Variants in GALNT13 observed in about 807,000 individuals in gnomAD.
GALNT13 encodes the protein UDP-GalNAc:polypeptide N-acetylgalactosaminyltransferase 13.
Under a neutral mutation model 64.2 loss-of-function variants are expected in GALNT13, and 28 were observed. The observed-to-expected ratio is 0.44, with a 90% CI of 0.32 to 0.60. The LOEUF (loss-of-function observed/expected upper bound fraction) is 0.60. Among genes scored for constraint, GALNT13 ranks in the 20% least tolerant of loss-of-function variants. The probability of loss-of-function intolerance (pLI) is 0.05; values close to 1 mark genes in which losing one functional copy is unlikely to be tolerated. For missense variants in GALNT13, 577 were observed against 669.8 expected (o/e 0.86, Z 1.53); for synonymous variants, 214 against 224.6 (o/e 0.95, Z 0.42).
At chr2:154,234,985 T>C (rs1250094868) in intron 4 of GALNT13, among the ~76,000 whole-genome samples, 2 of 152,154 alleles carry the variant, frequency 1.3e-5, no homozygotes, top group Non-Finnish European at 2.9e-5. Flanking sequence ...TATTCTAATA[T>C]GGGATTAGGG....
chr2:153,402,545 C>G, the GALNT13 span, among the ~76,000 whole-genome samples: 88 of 152,010 alleles, frequency 5.8e-4, no homozygotes, highest in Non-Finnish European at 8.2e-4. Context: ...TTCCATTCTC[C>G]CCATCACTTT....
intron 11 of GALNT13, among the ~76,000 whole-genome samples, chr2:154,434,146 G>A (rs996957229): frequency 6.6e-6 from 1 of 152,166 alleles, no homozygotes; most frequent in Non-Finnish European, 1.5e-5. Flanking sequence ...AACCTGTCAG[G>A]AAATAAATTT....
chr2:153,074,639 A>G, the GALNT13 span, among the ~76,000 whole-genome samples: 1 of 152,186 alleles, frequency 6.6e-6, no homozygotes, highest in South Asian at 2.1e-4. Context: ...TCGTTATAAT[A>G]TTATGGGACC....
At chr2:153,564,962 C>T in the GALNT13 span, among the ~76,000 whole-genome samples, 1 of 152,132 alleles carries the variant, frequency 6.6e-6, no homozygotes, top group East Asian at 1.9e-4. Context: ...AAACTATAGG[C>T]AGCCTTAGCG....
At chr2:153,554,758 C>A in the GALNT13 span, among the ~76,000 whole-genome samples, 1 of 151,988 alleles carries the variant, frequency 6.6e-6, no homozygotes, top group Non-Finnish European at 1.5e-5. Context: ...TATTGGAGAA[C>A]TGAAGTGACA....
At chr2:153,596,517 G>A in the GALNT13 span, among the ~76,000 whole-genome samples, 2 of 151,960 alleles carry the variant, frequency 1.3e-5, no homozygotes, top group African/African-American at 4.8e-5. Context: ...CACCAAAAAA[G>A]TCTTTAAATG....
intron 3 of GALNT13, among the ~76,000 whole-genome samples, chr2:154,001,621 A>G (rs1695915103): frequency 6.6e-6 from 1 of 151,992 alleles, no homozygotes; most frequent in African/African-American, 2.4e-5. Context: ...TTTATATTAT[A>G]TATCTCTTAA....
At chr2:153,459,184 A>G in the GALNT13 span, among the ~76,000 whole-genome samples, 35 of 152,212 alleles carry the variant, frequency 2.3e-4, no homozygotes, top group Admixed American at 5.9e-4. Flanking sequence ...AACATAAAAT[A>G]TGTTGAAAAG....
At chr2:153,070,724 C>T in the GALNT13 span, among the ~76,000 whole-genome samples, 6 of 152,276 alleles carry the variant, frequency 3.9e-5, no homozygotes, top group East Asian at 1.2e-3. Flanking sequence ...AGGAGCTCTT[C>T]TCTGCAACAG....
At chr2:154,446,434 T>A (rs1701579099) in intron 12 of GALNT13, 1 of 953,528 alleles carries the variant, frequency 1.0e-6, no homozygotes, top group East Asian at 2.8e-5. Context: ...GGCTCACAGC[T>A]CCATGGATAC....
At chr2:153,588,355 C>T in the GALNT13 span, among the ~76,000 whole-genome samples, 1 of 152,340 alleles carries the variant, frequency 6.6e-6, no homozygotes, top group South Asian at 2.1e-4. Context: ...GAGGGCACCG[C>T]CCCTGCAGCA....
chr2:153,725,550 T>C, the GALNT13 span, among the ~76,000 whole-genome samples: 4 of 151,622 alleles, frequency 2.6e-5, no homozygotes, highest in Non-Finnish European at 5.9e-5. Context: ...CAAAATAATA[T>C]AAAATAATGG....
the GALNT13 span, among the ~76,000 whole-genome samples, chr2:153,280,745 A>AT: frequency 6.6e-6 from 1 of 151,994 alleles, no homozygotes; most frequent in East Asian, 1.9e-4. Flanking sequence ...TATGATTTTG[A>AT]TTTTTTTGAA....
At chr2:153,276,061 T>C in the GALNT13 span, among the ~76,000 whole-genome samples, 3 of 152,162 alleles carry the variant, frequency 2.0e-5, no homozygotes, top group Admixed American at 6.5e-5. Flanking sequence ...TTTTTCATAT[T>C]TGTAAAAGCC....
At chr2:153,870,892 C>T (rs1685881417), upstream of GALNT13, among the ~76,000 whole-genome samples, 1 of 151,934 alleles carries the variant, frequency 6.6e-6, no homozygotes, top group African/African-American at 2.4e-5. Context: ...GCCCTTATTA[C>T]AAACAAGACA....
At chr2:153,192,840 C>T in the GALNT13 span, among the ~76,000 whole-genome samples, 2 of 151,840 alleles carry the variant, frequency 1.3e-5, no homozygotes, top group Admixed American at 6.6e-5. Flanking sequence ...CTTCTGTTTG[C>T]ATAGAATATT....
At chr2:154,079,431 T>TA (rs1701156665) in intron 3 of GALNT13, among the ~76,000 whole-genome samples, 1 of 151,588 alleles carries the variant, frequency 6.6e-6, no homozygotes, top group Non-Finnish European at 1.5e-5. Flanking sequence ...AGATAATTGA[T>TA]AAAAAATATA....
At chr2:153,585,726 T>C in the GALNT13 span, among the ~76,000 whole-genome samples, 1 of 151,942 alleles carries the variant, frequency 6.6e-6, no homozygotes, top group East Asian at 1.9e-4. Flanking sequence ...ATACTACCAG[T>C]GAACTCTTCA....
At chr2:153,222,415 G>T in the GALNT13 span, among the ~76,000 whole-genome samples, 3 of 75,628 alleles carry the variant, frequency 4.0e-5, no homozygotes, top group Non-Finnish European at 5.4e-5. Flanking sequence ...CGGGCCTGGA[G>T]AAAGCACCTT....
Sources: allele counts gnomAD v4.1 joint callset (sites outside exome capture counted in the v4.1 genomes callset), GRCh38; gene constraint gnomAD v4.1.1; transcripts MANE v1.5; gene names NCBI Gene and HGNC (gene_info 2026-07-23, HGNC 2026-07-21).